POLR2C: variants seen among roughly 807,000 people sequenced by gnomAD.
POLR2C encodes DNA-directed RNA polymerase II subunit RPB3.
A neutral mutation model predicts 41.7 loss-of-function variants in POLR2C; 36 were observed. The ratio of observed to expected loss-of-function variants is 0.86; its 90% CI spans 0.66 to 1.14. POLR2C has a LOEUF of 1.14. POLR2C is among the 50% of genes most tolerant of loss of function. The probability of loss-of-function intolerance (pLI) is 0.00; values close to 1 mark genes in which losing one functional copy is unlikely to be tolerated. For missense variants in POLR2C, 260 were observed against 350.4 expected, an observed-to-expected ratio of 0.74 and a Z score of 2.06; for synonymous variants, 133 against 137.8, an observed-to-expected ratio of 0.96 and a Z score of 0.25.
At position 57,469,547 on chromosome 16, in the gene POLR2C, C is replaced by T; in HGVS notation, c.388-163C>T. 1 of 752,192 alleles carries T rather than the reference C, an allele frequency of 1.3e-6. No individual in the cohort carries two copies. Among genetic ancestry groups the T allele is most frequent in the East Asian group, 2.7e-5 (1 of 37,430 alleles). The allele number at this position is 752,192 out of a possible 1,614,324, so 46.6% of individuals were successfully genotyped here. A position where few individuals can be genotyped will look rare whatever the true frequency, so the allele number is the denominator to read the frequency against. Reference sequence around the variant, plus strand: ...TGTTTTGCCTGAGGCTACCACCACACCCTGAAGTGGGGGTTGGAGTCCTGG... The same window carrying T: ...TGTTTTGCCTGAGGCTACCACCACATCCTGAAGTGGGGGTTGGAGTCCTGG... On this transcript the variant is annotated intron_variant, in intron 5 of 8. Coordinates refer to ENST00000219252, the MANE Select transcript of POLR2C (RefSeq NM_032940.3). This position sits in a 1 kb window ranked among gnomAD's most constrained non-coding sequence, Gnocchi z 5.8.
In POLR2C at chr16:57,470,068, G is replaced by A; in HGVS notation, c.547G>A (p.Ala183Thr). The change falls in exon 7 of 9, where the codon GCT becomes ACT. Residue 183 changes from alanine to threonine, a missense_variant. Transcript: ENST00000219252. ...CAAGTGGAACCCTACTGCAGGGGTG[G>A]CTTTTGAATACGATCCAGACAATGC... ...HAKWNPTAGVAFEYDPDNALR... is the reference protein window; with the variant it reads ...HAKWNPTAGVTFEYDPDNALR... 1 of 1,614,174 alleles carries A rather than the reference G, an allele frequency of 6.2e-7. No individual in the cohort carries two copies. The highest frequency in any genetic ancestry group is 1.1e-5 in the South Asian group (1 of 91,088).
At chr16:57,466,606 GA>G (rs1252727767) in intron 4 of POLR2C, among the ~76,000 whole-genome samples, 1 of 152,170 alleles carries the variant, frequency 6.6e-6, no homozygotes, top group African/African-American at 2.4e-5. Context: ...GCTCCTGGGG[GA>G]CTAGTCCTGG....
At position 57,467,631 on chromosome 16, in the gene POLR2C, A is replaced by G. The variant is rs1401587771; in HGVS notation, c.258+1404A>G. 6.6e-5 allele frequency among the ~76,000 whole-genome samples: 10 copies of G among 151,914 alleles called. No homozygotes were observed. The East Asian group carries it at 1.5e-3, about 23-fold the overall frequency. On this transcript the variant is annotated intron_variant, in intron 4 of 8. Transcript: ENST00000219252. Reference sequence around the variant, plus strand: ...CCAATTAATATTTTACATTTGCTTTATTTTTCATATGCAAATTGTTATTTT... The same window carrying G: ...CCAATTAATATTTTACATTTGCTTTGTTTTTCATATGCAAATTGTTATTTT...
intron 2 of POLR2C, chr16:57,463,949 A>G (rs775614316): frequency 7.9e-5 from 13 of 165,488 alleles, no homozygotes; most frequent in Admixed American, 2.6e-4. Flanking sequence ...CAAACAAAAG[A>G]AAATAAAAAA....
In POLR2C at chr16:57,471,671, G is replaced by A. The variant is rs2030845226; in HGVS notation, c.*552G>A. ...TGTCCCCTCCCCACCAAATAAACAT[G>A]ATATTTCATTCTCTGTCCAGCAGTC... On this transcript the variant is annotated 3_prime_UTR_variant, in exon 9 of 9. Transcript: ENST00000219252. 1 of 138,654 alleles carries A rather than the reference G, an allele frequency of 7.2e-6. No homozygotes were observed. The highest frequency in any genetic ancestry group is 1.5e-5 in the Non-Finnish European group (1 of 66,634). The allele number at this position is 138,654 out of a possible 1,614,324, so 8.6% of individuals were successfully genotyped here. A position where few individuals can be genotyped will look rare whatever the true frequency, so the allele number is the denominator to read the frequency against.
chr16:57,464,025 C>G, intron 2 of POLR2C: 1 of 159,732 alleles, frequency 6.3e-6, no homozygotes, highest in South Asian at 1.4e-4. Context: ...GTTCTTATGG[C>G]TGCATCACTT....
chr16:57,465,661 G>T, intron 2 of POLR2C: 1 of 328,740 alleles, frequency 3.0e-6, no homozygotes. Context: ...TGCTTCTCAT[G>T]CAAATACTCA....
At chr16:57,465,043 G>C (rs2146599428) in intron 2 of POLR2C, among the ~76,000 whole-genome samples, 1 of 152,280 alleles carries the variant, frequency 6.6e-6, no homozygotes, top group South Asian at 2.1e-4. Flanking sequence ...GTAGCATAGA[G>C]AGCAGGCAAG....
Position 57,471,029 on chromosome 16 carries a change from G to A in POLR2C, c.738G>A (p.Leu246=). Residue 246 remains leucine, a synonymous_variant, in exon 9 of 9, where the codon CTG becomes CTA. Transcript: ENST00000219252. ...CGSLRPETIV[L]SALSGLKKKL... The stretch of plus-strand genomic sequence containing the variant: ...CTCTGCGTCCTGAAACCATTGTCCT[G>A]TCAGCCCTCTCAGGATTGAAGAAGA... 6.2e-7 allele frequency: 1 copy of A among 1,613,756 alleles called. No homozygotes were observed.
intron 1 of POLR2C, 75 bp downstream of exon 1, chr16:57,462,885 CGGGGGTGTAGT>C (rs2030608322): frequency 6.6e-6 from 1 of 151,598 alleles, no homozygotes; most frequent in Admixed American, 1.1e-4. Context: ...GGGCAGGGGG[CGGGGGTGTAGT>C]GGGGTGGGGT....
At chr16:57,463,152 C>A in intron 2 of POLR2C, 74 bp downstream of exon 2, 1 of 1,174,830 alleles carries the variant, frequency 8.5e-7, no homozygotes. Flanking sequence ...CTCTTTGGGG[C>A]TCCTTCCAGT....
chr16:57,471,075 CAATT>C lies in POLR2C; in HGVS notation c.787_790del (p.Leu263AlafsTer9), dbSNP rs759013165. 16 of 1,613,770 alleles carry C rather than the reference CAATT, an allele frequency of 9.9e-6. No individual in the cohort carries two copies. The highest frequency in any genetic ancestry group is 8.8e-5 in the South Asian group (8 of 91,086). On this transcript the variant is annotated frameshift_variant, in exon 9 of 9. Transcript: ENST00000219252. LOFTEE classifies it high-confidence loss of function. ...GAAGAAACTGAGTGATTTACAAACTCAATTAAGCCACGAGATCCAGAGTGATGTG... is the reference window on the plus strand; with the variant it reads ...GAAGAAACTGAGTGATTTACAAACTCAAGCCACGAGATCCAGAGTGATGTG...
intron 2 of POLR2C, chr16:57,463,801 G>A (rs2030639378): frequency 3.0e-6 from 1 of 338,854 alleles, no homozygotes; most frequent in Admixed American, 3.9e-5. Flanking sequence ...AAATTAGCCA[G>A]GTGTGGTGGC....
intron 4 of POLR2C, among the ~76,000 whole-genome samples, chr16:57,468,253 G>C (rs191207106): frequency 4.1e-4 from 63 of 152,286 alleles, no homozygotes; most frequent in African/African-American, 1.4e-3. Flanking sequence ...TTGGGCTCAA[G>C]CGATCCTCCC....
chr16:57,470,426 G>A, intron 8 of POLR2C, 72 bp downstream of exon 8: 3 of 1,113,838 alleles, frequency 2.7e-6, no homozygotes, highest in Non-Finnish European at 3.9e-6. Flanking sequence ...CCGTGAGTTA[G>A]GCATTCCCTC....
chr16:57,469,336 C>G lies in POLR2C; in HGVS notation c.387+43C>G, dbSNP rs781049366. 4.3e-6 allele frequency: 7 copies of G among 1,609,598 alleles called. No homozygotes were observed. In the East Asian group the frequency reaches 1.3e-4, roughly 31 times the overall value. On this transcript the variant is annotated intron_variant, in intron 5 of 8. Transcript: ENST00000219252. The surrounding 1 kb of genome is among the most constrained non-coding windows in gnomAD (Gnocchi z 5.8). ...TCCTCTTTTCCCTGGGATCTTTTCT[C>G]TTCTCTGGCTGGCTCCAAGTGGGCC...
rs1408161598 is a variant in POLR2C, at chr16:57,467,126, G to A, written c.258+899G>A. On this transcript the variant is annotated intron_variant, in intron 4 of 8. Coordinates refer to ENST00000219252, the MANE Select transcript of POLR2C (RefSeq NM_032940.3). ...CGCTCCCAAGTAGTCCCAGCTACTC[G>A]GGAGGCTGAGGCAGGAGAATGGCAT... Among the ~76,000 whole-genome samples, 3 of 152,192 alleles carry A rather than the reference G, an allele frequency of 2.0e-5. No homozygotes were observed. The South Asian group carries it at 6.2e-4, about 32-fold the overall frequency.
Position 57,469,338 on chromosome 16 carries a change from TCTC to T in POLR2C, c.387+46_387+48del. On this transcript the variant is annotated intron_variant, in intron 5 of 8. Transcript: ENST00000219252. The surrounding 1 kb of genome is among the most constrained non-coding windows in gnomAD (Gnocchi z 5.8). The stretch of plus-strand genomic sequence containing the variant: ...CTCTTTTCCCTGGGATCTTTTCTCT[TCTC>T]TGGCTGGCTCCAAGTGGGCCAGACT... 1 of 1,609,656 alleles carries T rather than the reference TCTC, an allele frequency of 6.2e-7. No homozygotes were observed. Among genetic ancestry groups the T allele is most frequent in the Non-Finnish European group, 8.5e-7 (1 of 1,176,974 alleles).
rs1188477016 is a variant in POLR2C at position 57,470,877 on chromosome 16, A to G, written c.684-98A>G. ...GCCCAAGGTCAAGTTCCATGTGGGAACAGAGCCAAGACCCGGAAGGAGGAA... is the reference window on the plus strand; with the variant it reads ...GCCCAAGGTCAAGTTCCATGTGGGAGCAGAGCCAAGACCCGGAAGGAGGAA... On this transcript the variant is annotated intron_variant, in intron 8 of 8. Coordinates refer to ENST00000219252, the MANE Select transcript of POLR2C (RefSeq NM_032940.3). The G allele has an allele frequency of 2.5e-6, 3 of 1,212,096 alleles. No homozygotes were observed. The African/African-American group carries it at 4.5e-5, about 18-fold the overall frequency. The allele number at this position is 1,212,096 out of a possible 1,614,324, so 75.1% of individuals were successfully genotyped here. A position where few individuals can be genotyped will look rare whatever the true frequency, so the allele number is the denominator to read the frequency against.
Sources: gnomAD v4.1 joint callset for allele counts (sites outside exome capture counted in the v4.1 genomes callset) on GRCh38, gnomAD v4.1.1 for gene constraint, Gnocchi (gnomAD v3.1) non-coding constraint, MANE v1.5 for transcripts, NCBI Gene and HGNC (gene_info 2026-07-23, HGNC 2026-07-21) for gene names.